Variants in KCNQ5 observed in about 807,000 individuals in gnomAD.
The protein encoded by KCNQ5 is potassium voltage-gated channel subfamily KQT member 5.
Under a neutral mutation model 98.2 loss-of-function variants are expected in KCNQ5, and 30 were observed. The observed-to-expected ratio is 0.31, with a 90% CI of 0.23 to 0.41. The LOEUF is 0.41. Ranked by LOEUF, KCNQ5 falls within the 10% of genes least tolerant of loss-of-function variation. The probability of loss-of-function intolerance (pLI) is 1.00; values close to 1 mark genes in which losing one functional copy is unlikely to be tolerated. For missense variants in KCNQ5, 835 were observed against 1,182.5 expected (o/e 0.71, Z 4.31); for synonymous variants, 458 against 449.4 (o/e 1.02, Z -0.24).
intron 1 of KCNQ5, among the ~76,000 whole-genome samples, chr6:72,660,852 G>A (rs1339627592): frequency 6.6e-6 from 1 of 152,136 alleles, no homozygotes; most frequent in African/African-American, 2.4e-5. Flanking sequence ...AGAAGAATTT[G>A]TTCAGTTGTG....
intron 5 of KCNQ5, among the ~76,000 whole-genome samples, chr6:73,098,663 CT>C (rs1411861692): frequency 6.6e-6 from 1 of 151,998 alleles, no homozygotes; most frequent in African/African-American, 2.4e-5. Flanking sequence ...CAAAAATAGC[CT>C]TCATGAAGGA....
intron 10 of KCNQ5, among the ~76,000 whole-genome samples, chr6:73,154,946 T>C (rs1226419113): frequency 6.6e-6 from 1 of 152,104 alleles, no homozygotes; most frequent in Non-Finnish European, 1.5e-5. Context: ...CAAAATCCCA[T>C]GAATGACAAG....
intron 1 of KCNQ5, among the ~76,000 whole-genome samples, chr6:72,953,993 G>A (rs1253299342): frequency 2.0e-5 from 3 of 152,010 alleles, no homozygotes; most frequent in East Asian, 1.9e-4. Context: ...CACCAACAAA[G>A]AACAGAGGCG....
chr6:72,717,900 T>G (rs1489374352), intron 1 of KCNQ5, among the ~76,000 whole-genome samples: 5 of 152,328 alleles, frequency 3.3e-5, no homozygotes, highest in African/African-American at 1.2e-4. Context: ...GAATATTCAC[T>G]CAGCTTTTAC....
At chr6:72,830,148 G>T (rs1776184178) in intron 1 of KCNQ5, among the ~76,000 whole-genome samples, 1 of 152,060 alleles carries the variant, frequency 6.6e-6, no homozygotes, top group Non-Finnish European at 1.5e-5. Flanking sequence ...CGTGAAAATG[G>T]CCATACTGCC....
At chr6:72,803,410 T>G (rs1363702803) in intron 1 of KCNQ5, among the ~76,000 whole-genome samples, 1 of 152,126 alleles carries the variant, frequency 6.6e-6, no homozygotes, top group Non-Finnish European at 1.5e-5. Flanking sequence ...ACATATAAAT[T>G]TCTCCAAGGA....
intron 5 of KCNQ5, among the ~76,000 whole-genome samples, chr6:73,082,561 A>ATC (rs1773822230): frequency 6.6e-6 from 1 of 152,238 alleles, no homozygotes. Flanking sequence ...GTAAAGATCC[A>ATC]TCTCTCTATT....
At chr6:72,730,745 T>G (rs529716775) in intron 1 of KCNQ5, among the ~76,000 whole-genome samples, 1 of 152,318 alleles carries the variant, frequency 6.6e-6, no homozygotes, top group African/African-American at 2.4e-5. Flanking sequence ...GTAGAGTTAC[T>G]CATTCTTCAT....
intron 1 of KCNQ5, chr6:72,987,561 C>A: frequency 1.6e-6 from 1 of 631,206 alleles, no homozygotes; most frequent in Non-Finnish European, 3.0e-6. Context: ...TTGCAAGGTC[C>A]AACATAGCCC....
intron 1 of KCNQ5, among the ~76,000 whole-genome samples, chr6:72,776,461 A>T (rs920777593): frequency 3.3e-5 from 5 of 152,220 alleles, no homozygotes; most frequent in Non-Finnish European, 7.3e-5. Context: ...TGCAGAAGAG[A>T]TGAGTGATGA....
intron 11 of KCNQ5, among the ~76,000 whole-genome samples, chr6:73,187,272 G>C (rs1259266192): frequency 6.6e-6 from 1 of 151,968 alleles, no homozygotes; most frequent in Admixed American, 6.6e-5. Flanking sequence ...TGTTAGCCAG[G>C]ATGGTCTCGA....
intron 1 of KCNQ5, among the ~76,000 whole-genome samples, chr6:72,916,589 T>A (rs1780150709): frequency 6.6e-6 from 1 of 152,202 alleles, no homozygotes; most frequent in African/African-American, 2.4e-5. Context: ...GATTATTCCA[T>A]CCGCAGATCT....
intron 1 of KCNQ5, among the ~76,000 whole-genome samples, chr6:72,855,029 G>A (rs1198663283): frequency 6.6e-6 from 1 of 151,736 alleles, no homozygotes; most frequent in Non-Finnish European, 1.5e-5. Context: ...ACTCATCAAT[G>A]ACCATTGTTT....
chr6:73,076,314 T>C (rs956324465), intron 3 of KCNQ5, among the ~76,000 whole-genome samples: 8 of 152,174 alleles, frequency 5.3e-5, no homozygotes, highest in Admixed American at 4.6e-4. Context: ...CTTTGGAGTG[T>C]GGAAGCCCAG....
At chr6:72,634,334 C>T (rs1427863847) in intron 1 of KCNQ5, among the ~76,000 whole-genome samples, 1 of 152,146 alleles carries the variant, frequency 6.6e-6, no homozygotes, top group African/African-American at 2.4e-5. Context: ...AAATATTTTT[C>T]TGACGTGCTA....
intron 1 of KCNQ5, among the ~76,000 whole-genome samples, chr6:72,967,268 T>A (rs1388349419): frequency 6.6e-6 from 1 of 152,198 alleles, no homozygotes; most frequent in Non-Finnish European, 1.5e-5. Context: ...ATTTTTCATA[T>A]TCTCACTGGG....
intron 1 of KCNQ5, among the ~76,000 whole-genome samples, chr6:72,811,343 G>A (rs952073492): frequency 6.6e-6 from 1 of 152,212 alleles, no homozygotes; most frequent in African/African-American, 2.4e-5. Context: ...ATCTAAGGAA[G>A]TCTAATAAAT....
intron 1 of KCNQ5, among the ~76,000 whole-genome samples, chr6:72,881,761 G>A (rs564493281): frequency 1.2e-4 from 18 of 152,072 alleles, no homozygotes; most frequent in Middle Eastern, 3.4e-3. Flanking sequence ...GCATGATCTC[G>A]GCTCACTGCA....
Position 72,768,323 on chromosome 6 carries a change from G to T in KCNQ5, c.398+145736G>T, listed in dbSNP as rs148660690. 5.7e-3 allele frequency among the ~76,000 whole-genome samples: 869 copies of T among 151,992 alleles called. 9 individuals carry two copies. Among genetic ancestry groups the T allele is most frequent in the African/African-American group, 0.018 (765 of 41,502 alleles). The stretch of plus-strand genomic sequence containing the variant: ...TGGAGAGCCTTCTTGGTGGAGTTGA[G>T]GAGGGAAGTCGAACTGGAATGGATG... On this transcript the variant is annotated intron_variant, in intron 1 of 13. Transcript: ENST00000370398.
Sources: allele counts gnomAD v4.1 joint callset (sites outside exome capture counted in the v4.1 genomes callset), GRCh38; gene constraint gnomAD v4.1.1; transcripts MANE v1.5; gene names NCBI Gene and HGNC (gene_info 2026-07-23, HGNC 2026-07-21).